Variants in LRRC37A3 observed in about 807,000 individuals in gnomAD.
LRRC37A3 encodes leucine rich repeat containing 37 member A3.
Under a neutral mutation model 106.2 loss-of-function variants are expected in LRRC37A3, and 25 were observed. That is an observed-to-expected ratio of 0.24 (90% CI 0.17 to 0.33). The LOEUF (loss-of-function observed/expected upper bound fraction) is 0.33, where lower values mean the gene tolerates loss of function less well. Among genes scored for constraint, LRRC37A3 ranks in the 10% least tolerant of loss-of-function variants. The pLI, the probability that LRRC37A3 is intolerant of heterozygous loss-of-function variation, is 1.00. For missense variants in LRRC37A3, 712 were observed against 1,644.9 expected (o/e 0.43, Z 9.81); for synonymous variants, 305 against 635.8 (o/e 0.48, Z 7.83).
chr17:64,860,494 G>A lies in LRRC37A3; in HGVS notation c.3652C>T (p.His1218Tyr), dbSNP rs1426964759. ...AACTTCTCAGGCCCCTGCTGTGTGT[G>A]AGGCTGTTTCAGCTCCCTTGGGGCT... is the stretch of plus-strand genomic sequence containing the variant. ...SPAPRELKQPHTQQGPEKLAG... is the reference protein window; with the variant it reads ...SPAPRELKQPYTQQGPEKLAG... Residue 1218 changes from histidine to tyrosine, a missense_variant, in exon 12 of 15, where the codon CAC (histidine) becomes TAC (tyrosine). Physicochemically the swap from His to Tyr is moderately conservative, Grantham distance 83. Transcript: ENST00000584306. 2 of 1,613,292 alleles carry A rather than the reference G, an allele frequency of 1.2e-6. No individual in the cohort carries two copies. The highest frequency in any genetic ancestry group is 1.1e-5 in the South Asian group (1 of 91,040).
chr17:64,854,920 C>A (rs1972625105), intron 14 of LRRC37A3, among the ~76,000 whole-genome samples: 1 of 152,242 alleles, frequency 6.6e-6, no homozygotes, highest in African/African-American at 2.4e-5. Context: ...TCCCTGCAAC[C>A]TGCGCCTCCT....
At chr17:64,887,464 C>T (rs1180927674) in intron 6 of LRRC37A3, among the ~76,000 whole-genome samples, 1 of 50,822 alleles carries the variant, frequency 2.0e-5, no homozygotes, top group Non-Finnish European at 3.8e-5. Context: ...GCCAAGATTG[C>T]ACCACTGCAC....
chr17:64,905,076 A>C (rs1470743315), intron 2 of LRRC37A3, among the ~76,000 whole-genome samples: 2 of 152,196 alleles, frequency 1.3e-5, no homozygotes, highest in East Asian at 3.8e-4. Context: ...GTATTAAATA[A>C]ATTTATTAAT....
intron 10 of LRRC37A3, 122 bp downstream of exon 10, chr17:64,868,340 C>T: frequency 3.0e-6 from 2 of 661,650 alleles, no homozygotes; most frequent in South Asian, 2.0e-5. Flanking sequence ...AAACTGTACA[C>T]TTAAAAAGCG....
At chr17:64,890,513 C>A (rs1973922911) in intron 5 of LRRC37A3, among the ~76,000 whole-genome samples, 1 of 115,528 alleles carries the variant, frequency 8.7e-6, no homozygotes, top group Non-Finnish European at 1.6e-5. Flanking sequence ...CTATCCTGAC[C>A]TTTGTAATAA....
chr17:64,854,597 T>C lies in LRRC37A3; in HGVS notation c.*2A>G. 1 of 1,613,912 alleles carries C rather than the reference T, an allele frequency of 6.2e-7. No individual in the cohort carries two copies. The highest frequency in any genetic ancestry group is 8.5e-7 in the Non-Finnish European group (1 of 1,179,858). On this transcript the variant is annotated 3_prime_UTR_variant, in exon 15 of 15. Coordinates refer to ENST00000584306, the MANE Select transcript of LRRC37A3 (RefSeq NM_199340.5). ...AGGCCTGAGGTGGGCTGGGTTCTCC[T>C]CCTATGGCAGGGCTTCACTCTCCTC...
chr17:64,880,847 G>C (rs1422165969), intron 8 of LRRC37A3, among the ~76,000 whole-genome samples: 3 of 152,036 alleles, frequency 2.0e-5, no homozygotes. Flanking sequence ...TGAGGAGACA[G>C]AGATGAAAGG....
At position 64,854,256 on chromosome 17, in the gene LRRC37A3, C is replaced by T; in HGVS notation, c.*343G>A. On this transcript the variant is annotated 3_prime_UTR_variant, in exon 15 of 15. Coordinates refer to ENST00000584306, the MANE Select transcript of LRRC37A3 (RefSeq NM_199340.5). Reference sequence around the variant, plus strand: ...AAAGACAGGGCTTGGCCCCACAGTGCAGGTAGGCCCAGTGATCCTATGATA... The same window carrying T: ...AAAGACAGGGCTTGGCCCCACAGTGTAGGTAGGCCCAGTGATCCTATGATA... 1 of 458,914 alleles carries T rather than the reference C, an allele frequency of 2.2e-6. No individual in the cohort carries two copies. The highest frequency in any genetic ancestry group is 4.2e-5 in the East Asian group (1 of 23,604). The allele number at this position is 458,914 out of a possible 1,614,324, so 28.4% of individuals were successfully genotyped here. A position where few individuals can be genotyped will look rare whatever the true frequency, so the allele number is the denominator to read the frequency against.
At chr17:64,867,583 G>T (rs1248564049) in intron 10 of LRRC37A3, among the ~76,000 whole-genome samples, 3 of 150,640 alleles carry the variant, frequency 2.0e-5, no homozygotes, top group Non-Finnish European at 4.5e-5. Flanking sequence ...CAGTGTAAAT[G>T]GTATGTACAT....
At chr17:64,884,489 C>A (rs1015674259) in intron 8 of LRRC37A3, among the ~76,000 whole-genome samples, 4 of 151,112 alleles carry the variant, frequency 2.6e-5, no homozygotes, top group Non-Finnish European at 5.9e-5. Flanking sequence ...CCTCAGCCTC[C>A]TGAGTACCTA....
intron 11 of LRRC37A3, 48 bp from the exon 12 acceptor site, chr17:64,861,021 G>A (rs1225181120): frequency 4.3e-6 from 7 of 1,611,928 alleles, no homozygotes; most frequent in Non-Finnish European, 5.9e-6. Flanking sequence ...TGATGGGATG[G>A]GATGCATCAG....
At position 64,897,137 on chromosome 17, in the gene LRRC37A3, C is replaced by A. The variant is rs1426289042; in HGVS notation, c.121G>T (p.Glu41Ter). 6.2e-7 allele frequency: 1 copy of A among 1,608,396 alleles called. No individual in the cohort carries two copies. The highest frequency in any genetic ancestry group is 2.2e-5 in the East Asian group (1 of 44,850). The change falls in exon 4 of 15, where the codon GAG becomes TAG. Residue 41 changes from glutamate to a stop codon, truncating the protein, a stop_gained. Coordinates refer to ENST00000584306, the MANE Select transcript of LRRC37A3 (RefSeq NM_199340.5). LOFTEE classifies it high-confidence loss of function. Reference sequence around the variant, plus strand: ...AGCTGGAGCGGGTCCTTGACCCACTCCAGAGGCTGAGCCTCCTTGACTAGT... The same window carrying A: ...AGCTGGAGCGGGTCCTTGACCCACTACAGAGGCTGAGCCTCCTTGACTAGT... ...WLLVKEAQPL[E>*]WVKDPLQLTS...
chr17:64,866,058 T>C (rs1413277810), intron 10 of LRRC37A3, among the ~76,000 whole-genome samples: 2 of 152,028 alleles, frequency 1.3e-5, no homozygotes, highest in Admixed American at 1.3e-4. Context: ...ATGTGTAAAC[T>C]CCTGAAGACT....
chr17:64,910,498 A>G (rs1191616785), intron 2 of LRRC37A3, among the ~76,000 whole-genome samples: 1 of 152,266 alleles, frequency 6.6e-6, no homozygotes, highest in Non-Finnish European at 1.5e-5. Flanking sequence ...GCAGGGGTAA[A>G]GTCATGCCAA....
At chr17:64,871,921 CAG>C (rs905471935) in intron 8 of LRRC37A3, 1 of 152,202 alleles carries the variant, frequency 6.6e-6, no homozygotes, top group Non-Finnish European at 1.5e-5. Flanking sequence ...ATCACGAGGT[CAG>C]GGGATCGAGA....
At chr17:64,876,596 T>C (rs1443271548) in intron 8 of LRRC37A3, among the ~76,000 whole-genome samples, 1 of 152,202 alleles carries the variant, frequency 6.6e-6, no homozygotes, top group African/African-American at 2.4e-5. Flanking sequence ...ATATATACAA[T>C]ATATGCTAAT....
chr17:64,887,416 G>A (rs1324847795), intron 6 of LRRC37A3, among the ~76,000 whole-genome samples: 1 of 29,942 alleles, frequency 3.3e-5, no homozygotes, highest in Non-Finnish European at 5.7e-5. Flanking sequence ...GCTGAGGCAG[G>A]AGAATGGCAT....
intron 13 of LRRC37A3, among the ~76,000 whole-genome samples, chr17:64,858,257 C>G (rs1268584924): frequency 6.6e-6 from 1 of 152,184 alleles, no homozygotes; most frequent in African/African-American, 2.4e-5. Flanking sequence ...TAAAAGATGG[C>G]TACTCTGTAG....
chr17:64,861,709 A>T (rs928569617), intron 11 of LRRC37A3, among the ~76,000 whole-genome samples: 1 of 152,240 alleles, frequency 6.6e-6, no homozygotes, highest in Non-Finnish European at 1.5e-5. Context: ...GTATGATAGC[A>T]GTTTCGGGAT....
Sources: allele counts gnomAD v4.1 joint callset (sites outside exome capture counted in the v4.1 genomes callset), GRCh38; gene constraint gnomAD v4.1.1; transcripts MANE v1.5; gene names NCBI Gene and HGNC (gene_info 2026-07-23, HGNC 2026-07-21).